The following ARHGAP10 variants were observed in gnomAD, a reference collection of about 807,000 sequenced individuals.
The protein encoded by ARHGAP10 is rho GTPase-activating protein 10.
Under a neutral mutation model 108.6 loss-of-function variants are expected in ARHGAP10, and 87 were observed. The ratio of observed to expected loss-of-function variants is 0.80; its 90% CI spans 0.67 to 0.96. The LOEUF (loss-of-function observed/expected upper bound fraction) is 0.96, where lower values mean the gene tolerates loss of function less well. Ranked by LOEUF, ARHGAP10 falls within the 40% of genes least tolerant of loss-of-function variation. The pLI is 0.00. For missense variants in ARHGAP10, 939 were observed against 954.5 expected, an observed-to-expected ratio of 0.98 and a Z score of 0.21; for synonymous variants, 347 against 341.1, an observed-to-expected ratio of 1.02 and a Z score of -0.19.
At chr4:148,050,365 C>CA (rs1729077630) in intron 20 of ARHGAP10, among the ~76,000 whole-genome samples, 1 of 59,300 alleles carries the variant, frequency 1.7e-5, no homozygotes, top group African/African-American at 5.7e-5. Context: ...TCATCATCAT[C>CA]TTTTTTTTTT....
At chr4:148,002,190 G>T (rs1425599009) in intron 18 of ARHGAP10, among the ~76,000 whole-genome samples, 1 of 152,108 alleles carries the variant, frequency 6.6e-6, no homozygotes, top group Admixed American at 6.6e-5. Flanking sequence ...TTTGTCTTTG[G>T]TTCTGTTTAT....
At chr4:148,036,710 C>A (rs531397692) in intron 19 of ARHGAP10, among the ~76,000 whole-genome samples, 1 of 152,194 alleles carries the variant, frequency 6.6e-6, no homozygotes, top group Non-Finnish European at 1.5e-5. Flanking sequence ...TGGACTGATA[C>A]AAGTTGACTA....
At chr4:148,040,593 C>T (rs745816674) in intron 19 of ARHGAP10, among the ~76,000 whole-genome samples, 3 of 152,014 alleles carry the variant, frequency 2.0e-5, no homozygotes, top group African/African-American at 7.2e-5. Flanking sequence ...CCACCTGCCT[C>T]GGCCTCCCAA....
intron 8 of ARHGAP10, among the ~76,000 whole-genome samples, chr4:147,876,522 G>A (rs1579148389): frequency 6.6e-6 from 1 of 152,232 alleles, no homozygotes; most frequent in Admixed American, 6.5e-5. Context: ...GAACCTGGGA[G>A]GCGGAGCTTG....
chr4:147,809,606 CA>C (rs1362257090), intron 1 of ARHGAP10, among the ~76,000 whole-genome samples: 6 of 152,200 alleles, frequency 3.9e-5, no homozygotes, highest in African/African-American at 1.2e-4. Flanking sequence ...TTGTGAGCCC[CA>C]CTCTGACTTC....
At chr4:147,766,824 ATATATATATATATATT>A (rs1337708862) in intron 1 of ARHGAP10, among the ~76,000 whole-genome samples, 669 of 12,462 alleles carry the variant, frequency 0.054, 4 homozygotes, top group South Asian at 0.21. Flanking sequence ...ATATATATAT[ATATATATATATATATT>A]TATTTATTTA....
chr4:147,894,426 A>C (rs1735909474), intron 10 of ARHGAP10, among the ~76,000 whole-genome samples: 1 of 152,090 alleles, frequency 6.6e-6, no homozygotes, highest in East Asian at 1.9e-4. Flanking sequence ...TTTGTTACTC[A>C]ATTGTAGGAA....
chr4:147,766,829 TATATATA>T (rs1729849547), intron 1 of ARHGAP10, among the ~76,000 whole-genome samples: 5 of 113,386 alleles, frequency 4.4e-5, no homozygotes, highest in African/African-American at 7.4e-5. Context: ...TATATATATA[TATATATA>T]TATTTATTTA....
intron 20 of ARHGAP10, among the ~76,000 whole-genome samples, chr4:148,061,832 T>C (rs552052916): frequency 1.3e-5 from 2 of 152,306 alleles, no homozygotes; most frequent in Admixed American, 6.5e-5. Context: ...AAGATCTTCC[T>C]GTGGAGGCAA....
chr4:147,912,838 G>A (rs1398415252), intron 12 of ARHGAP10, among the ~76,000 whole-genome samples: 1 of 151,180 alleles, frequency 6.6e-6, no homozygotes, highest in Non-Finnish European at 1.5e-5. Context: ...AGTAGAGGTG[G>A]GGCCTCACCA....
chr4:147,843,839 C>T (rs1340691006), intron 3 of ARHGAP10, among the ~76,000 whole-genome samples: 3 of 152,218 alleles, frequency 2.0e-5, no homozygotes, highest in Non-Finnish European at 4.4e-5. Context: ...TTTTATCCAA[C>T]ACCTTGGTAG....
chr4:147,833,296 G>A (rs1216668564), intron 3 of ARHGAP10, among the ~76,000 whole-genome samples: 1 of 152,172 alleles, frequency 6.6e-6, no homozygotes, highest in Non-Finnish European at 1.5e-5. Context: ...TCTTGTTATA[G>A]TGAGGGAGTT....
chr4:147,832,792 A>C (rs12641291), intron 3 of ARHGAP10, among the ~76,000 whole-genome samples: 16,831 of 152,102 alleles, frequency 0.11, 1,087 homozygotes, highest in African/African-American at 0.18. Flanking sequence ...TCTCTTTGTA[A>C]GACATAATAT....
In ARHGAP10 at chr4:148,047,602, A is replaced by G. The variant is rs80003949; in HGVS notation, c.2027+551A>G. ...CAAGTATATTAGGACAAATAATATTAATACAAATAAAGTACCTTGAACCTG... is the reference window on the plus strand; with the variant it reads ...CAAGTATATTAGGACAAATAATATTGATACAAATAAAGTACCTTGAACCTG... On this transcript the variant is annotated intron_variant, in intron 20 of 22. Transcript: ENST00000336498. 1.4e-3 allele frequency among the ~76,000 whole-genome samples: 210 copies of G among 152,314 alleles called. 2 individuals are homozygous for G. The highest frequency in any genetic ancestry group is 4.1e-3 in the African/African-American group (170 of 41,562).
chr4:148,043,245 G>A (rs546396389), intron 19 of ARHGAP10, among the ~76,000 whole-genome samples: 1 of 152,144 alleles, frequency 6.6e-6, no homozygotes, highest in East Asian at 1.9e-4. Flanking sequence ...TCTTCTAATC[G>A]GCGGTAGTTC....
At chr4:148,062,319 G>A (rs1344151953) in intron 20 of ARHGAP10, among the ~76,000 whole-genome samples, 1 of 152,228 alleles carries the variant, frequency 6.6e-6, no homozygotes, top group Non-Finnish European at 1.5e-5. Context: ...AACTGCTCGT[G>A]GAAACTGGTG....
intron 13 of ARHGAP10, among the ~76,000 whole-genome samples, chr4:147,934,668 C>T (rs1218579908): frequency 6.6e-6 from 1 of 152,084 alleles, no homozygotes; most frequent in African/African-American, 2.4e-5. Context: ...GAGACCCGCT[C>T]TCTACAAAAA....
intron 13 of ARHGAP10, among the ~76,000 whole-genome samples, chr4:147,926,907 G>A (rs920542289): frequency 6.6e-6 from 1 of 152,090 alleles, no homozygotes; most frequent in African/African-American, 2.4e-5. Flanking sequence ...TAGCGAGGTT[G>A]TACTTGTTTT....
intron 4 of ARHGAP10, chr4:147,854,829 C>G (rs946279308): frequency 7.3e-5 from 72 of 985,288 alleles, no homozygotes; most frequent in Non-Finnish European, 7.7e-5. Context: ...GAAGATATTT[C>G]TATTCTAAGC....
Sources: allele counts gnomAD v4.1 joint callset (sites outside exome capture counted in the v4.1 genomes callset), GRCh38; gene constraint gnomAD v4.1.1; transcripts MANE v1.5; gene names NCBI Gene and HGNC (gene_info 2026-07-23, HGNC 2026-07-21).